The following PTPN2 variants were observed in gnomAD, a reference collection of about 807,000 sequenced individuals.
PTPN2 encodes the protein protein tyrosine phosphatase non-receptor type 2, also known as tyrosine-protein phosphatase non-receptor type 2.
PTPN2 carries 19 observed loss-of-function variants against 57.3 expected under a neutral mutation model. That is an observed-to-expected ratio of 0.33 (90% CI 0.23 to 0.49). PTPN2 has a LOEUF of 0.49. Among genes scored for constraint, PTPN2 ranks in the 20% least tolerant of loss-of-function variants. PTPN2 has a pLI of 0.99. For synonymous variants in PTPN2, 153 were observed against 164.9 expected, an observed-to-expected ratio of 0.93 and a Z score of 0.55; for missense variants, 358 against 501.1, an observed-to-expected ratio of 0.71 and a Z score of 2.73.
chr18:12,877,920 C>T (rs1202496388), intron 1 of PTPN2, among the ~76,000 whole-genome samples: 2 of 151,916 alleles, frequency 1.3e-5, no homozygotes, highest in African/African-American at 4.9e-5. Flanking sequence ...GTCCCAGCTA[C>T]TCAGAAGGCT....
intron 2 of PTPN2, among the ~76,000 whole-genome samples, chr18:12,855,491 T>C (rs1004034308): frequency 2.0e-5 from 3 of 152,076 alleles, no homozygotes; most frequent in Non-Finnish European, 2.9e-5. Context: ...TAGGGAAGGA[T>C]AGGGGCAAAA....
intron 7 of PTPN2, among the ~76,000 whole-genome samples, chr18:12,805,632 C>T (rs1345868600): frequency 5.8e-5 from 8 of 137,878 alleles, no homozygotes; most frequent in Non-Finnish European, 1.3e-4. Context: ...ACAAAGATGC[C>T]TCCTTTCTTT....
chr18:12,809,110 G>C (rs1047947898), intron 7 of PTPN2, among the ~76,000 whole-genome samples: 2 of 152,194 alleles, frequency 1.3e-5, no homozygotes, highest in Non-Finnish European at 2.9e-5. Context: ...CCACCACTGG[G>C]CTAGAGAAAC....
chr18:12,795,169 G>C (rs958587778), intron 8 of PTPN2, among the ~76,000 whole-genome samples: 4 of 152,192 alleles, frequency 2.6e-5, no homozygotes, highest in African/African-American at 9.6e-5. Context: ...GATGGTTAAG[G>C]CTCTTATAAA....
chr18:12,864,558 G>A (rs2043928739), intron 1 of PTPN2, among the ~76,000 whole-genome samples: 1 of 151,990 alleles, frequency 6.6e-6, no homozygotes, highest in Admixed American at 6.6e-5. Flanking sequence ...ACCACGCCCG[G>A]CTAATTTTTT....
chr18:12,865,930 C>T (rs1019522300), intron 1 of PTPN2, among the ~76,000 whole-genome samples: 5 of 152,098 alleles, frequency 3.3e-5, no homozygotes, highest in Non-Finnish European at 7.4e-5. Flanking sequence ...AAGGCACATA[C>T]CCAAGAGAAA....
chr18:12,866,799 T>C (rs1482946830), intron 1 of PTPN2, among the ~76,000 whole-genome samples: 1 of 151,946 alleles, frequency 6.6e-6, no homozygotes, highest in Non-Finnish European at 1.5e-5. Flanking sequence ...GGTCAGGAGA[T>C]CGAGACCATC....
intron 7 of PTPN2, among the ~76,000 whole-genome samples, chr18:12,811,996 A>G (rs1421274812): frequency 6.6e-6 from 1 of 152,214 alleles, no homozygotes; most frequent in African/African-American, 2.4e-5. Flanking sequence ...TAATTTGTTA[A>G]AAGTTTATCA....
downstream of PTPN2, chr18:12,787,512 C>G (rs891388167): frequency 6.6e-6 from 1 of 152,220 alleles, no homozygotes; most frequent in Non-Finnish European, 1.5e-5. Context: ...ACCTCATGTC[C>G]TTCCCCAGTA....
chr18:12,829,263 C>A (rs149344313), intron 4 of PTPN2, among the ~76,000 whole-genome samples: 6 of 152,196 alleles, frequency 3.9e-5, no homozygotes, highest in African/African-American at 1.4e-4. Flanking sequence ...CGCCTGTAAT[C>A]CCAGCACTTT....
At chr18:12,826,013 A>T in intron 4 of PTPN2, 69 bp from the exon 5 acceptor site, 3 of 1,330,584 alleles carry the variant, frequency 2.3e-6, no homozygotes, top group Non-Finnish European at 3.1e-6. Context: ...AAGTTAAAAA[A>T]TGAAAACAAA....
At chr18:12,801,100 T>C (rs1158908922) in intron 8 of PTPN2, among the ~76,000 whole-genome samples, 1 of 152,250 alleles carries the variant, frequency 6.6e-6, no homozygotes. Flanking sequence ...ATATTAACTT[T>C]TACACTCAAT....
intron 2 of PTPN2, among the ~76,000 whole-genome samples, chr18:12,846,770 A>G (rs1024096118): frequency 1.3e-5 from 2 of 152,268 alleles, no homozygotes; most frequent in African/African-American, 4.8e-5. Flanking sequence ...GATAAGAAAT[A>G]TAGGTATATA....
chr18:12,869,509 C>T (rs2044112778), intron 1 of PTPN2, among the ~76,000 whole-genome samples: 1 of 151,866 alleles, frequency 6.6e-6, no homozygotes, highest in Non-Finnish European at 1.5e-5. Context: ...TAATTTCCAT[C>T]ATTATCGGGG....
chr18:12,788,325 A>C (rs572529423), downstream of PTPN2, among the ~76,000 whole-genome samples: 9 of 151,928 alleles, frequency 5.9e-5, no homozygotes, highest in African/African-American at 2.2e-4. Flanking sequence ...ACCAAATTGC[A>C]TAATTCCCAC....
chr18:12,856,327 T>C (rs1044994230), intron 2 of PTPN2, among the ~76,000 whole-genome samples: 8 of 152,194 alleles, frequency 5.3e-5, no homozygotes, highest in African/African-American at 1.9e-4. Context: ...TAGAAAATCC[T>C]GTGGCTACGT....
At chr18:12,883,427 A>G (rs1224963448) in intron 1 of PTPN2, among the ~76,000 whole-genome samples, 1 of 152,128 alleles carries the variant, frequency 6.6e-6, no homozygotes, top group African/African-American at 2.4e-5. Context: ...GCCAGAGGCC[A>G]CGAGCCACCC....
rs1309868505 is a variant in PTPN2, at chr18:12,792,402, C to G, written c.*1876G>C. On this transcript the variant is annotated 3_prime_UTR_variant, in exon 9 of 9. Transcript: ENST00000309660. ...GGTTCAAGTGATTCTCCTGCCTTAG[C>G]CTCCCAAGGAGCTGGGACTACAGGC... The G allele has an allele frequency of 4.6e-6, 1 of 219,220 alleles. No homozygotes were observed. Among genetic ancestry groups the G allele is most frequent in the African/African-American group, 2.4e-5 (1 of 42,308 alleles). 13.6% of individuals were successfully genotyped at this position (219,220 alleles called of 1,614,324 possible). A position where few individuals can be genotyped will look rare whatever the true frequency, so the allele number is the denominator to read the frequency against.
intron 8 of PTPN2, among the ~76,000 whole-genome samples, chr18:12,796,523 T>C (rs911131201): frequency 1.3e-5 from 2 of 152,170 alleles, no homozygotes; most frequent in African/African-American, 2.4e-5. Flanking sequence ...CCCCAAGAGA[T>C]TGTTAGTGGG....
Sources: gnomAD v4.1 joint callset for allele counts (sites outside exome capture counted in the v4.1 genomes callset) on GRCh38, gnomAD v4.1.1 for gene constraint, MANE v1.5 for transcripts, NCBI Gene and HGNC (gene_info 2026-07-23, HGNC 2026-07-21) for gene names.